Variants in FGF12 observed in about 807,000 individuals in gnomAD.
The protein encoded by FGF12 is fibroblast growth factor 12B.
Under a neutral mutation model 23.6 loss-of-function variants are expected in FGF12, and 14 were observed. The observed-to-expected ratio is 0.59, with a 90% CI of 0.39 to 0.93. The LOEUF is 0.93. Ranked by LOEUF, FGF12 falls within the 40% of genes least tolerant of loss-of-function variation. FGF12 has a pLI of 0.00. For synonymous variants in FGF12, 62 were observed against 77.3 expected, an observed-to-expected ratio of 0.80 and a Z score of 1.04; for missense variants, 175 against 217.8, an observed-to-expected ratio of 0.80 and a Z score of 1.24.
intron 3 of FGF12, among the ~76,000 whole-genome samples, chr3:192,338,273 C>T (rs1036600451): frequency 5.3e-4 from 81 of 152,128 alleles, no homozygotes; most frequent in African/African-American, 1.8e-3. Flanking sequence ...TTAGTAGAGA[C>T]GGGGTTTCAC....
intron 2 of FGF12, among the ~76,000 whole-genome samples, chr3:192,656,794 G>A (rs950210454): frequency 6.6e-6 from 1 of 152,094 alleles, no homozygotes; most frequent in African/African-American, 2.4e-5. Flanking sequence ...AATGTAATGT[G>A]TGGTCTGTAA....
chr3:192,727,313 C>T lies in FGF12; in HGVS notation c.-120G>A, dbSNP rs1719252126. On this transcript the variant is annotated 5_prime_UTR_variant, in exon 2 of 6. Transcript: ENST00000445105. ...ATTTCGCCCGTACTTCCTTCCTTCC[C>T]CTCAGGCTTCCTGAAAGATGGGATT... The T allele has an allele frequency of 1.3e-6, 2 of 1,550,188 alleles. No individual in the cohort carries two copies. The highest frequency in any genetic ancestry group is 2.0e-5 in the Admixed American group (1 of 50,936).
chr3:192,320,365 A>T (rs7631206), intron 4 of FGF12, among the ~76,000 whole-genome samples: 1 of 152,138 alleles, frequency 6.6e-6, no homozygotes, highest in East Asian at 1.9e-4. Flanking sequence ...CAATAAAATA[A>T]TAACCGGAGA....
chr3:192,493,454 C>G (rs1006982781), intron 2 of FGF12, among the ~76,000 whole-genome samples: 1 of 152,244 alleles, frequency 6.6e-6, no homozygotes, highest in South Asian at 2.1e-4. Context: ...TATTTTATAG[C>G]AAATTTTACC....
At chr3:192,510,677 T>C (rs940711734) in intron 2 of FGF12, among the ~76,000 whole-genome samples, 21 of 152,248 alleles carry the variant, frequency 1.4e-4, no homozygotes, top group Non-Finnish European at 2.6e-4. Flanking sequence ...AGGATGTTTA[T>C]AGCAACATTA....
chr3:192,306,002 A>G (rs946251854), intron 4 of FGF12, among the ~76,000 whole-genome samples: 9 of 151,630 alleles, frequency 5.9e-5, no homozygotes, highest in Non-Finnish European at 1.0e-4. Context: ...CTGGGACTAC[A>G]GGCGCCTGCC....
intron 2 of FGF12, among the ~76,000 whole-genome samples, chr3:192,711,548 T>C (rs1432414912): frequency 6.6e-6 from 1 of 152,182 alleles, no homozygotes; most frequent in East Asian, 1.9e-4. Flanking sequence ...AGATTGTTGC[T>C]GTGTCTGTGT....
intron 4 of FGF12, among the ~76,000 whole-genome samples, chr3:192,297,674 T>C (rs1419219934): frequency 1.3e-5 from 2 of 152,170 alleles, no homozygotes; most frequent in African/African-American, 2.4e-5. Flanking sequence ...GAATGAGCAA[T>C]TGATTATAAA....
At chr3:192,487,171 C>T (rs1275087445) in intron 2 of FGF12, among the ~76,000 whole-genome samples, 1 of 152,032 alleles carries the variant, frequency 6.6e-6, no homozygotes, top group African/African-American at 2.4e-5. Context: ...TAAGAACTAG[C>T]CTACCTCATT....
chr3:192,496,203 T>C (rs1238956394), intron 2 of FGF12, among the ~76,000 whole-genome samples: 1 of 151,936 alleles, frequency 6.6e-6, no homozygotes, highest in African/African-American at 2.4e-5. Flanking sequence ...CACCCCAAGC[T>C]AATGGATTCT....
At chr3:192,537,224 T>G (rs58817311) in intron 2 of FGF12, among the ~76,000 whole-genome samples, 5,694 of 152,282 alleles carry the variant, frequency 0.037, 374 homozygotes, top group African/African-American at 0.13. Context: ...TTCAGTTGCC[T>G]CAAAATCTTG....
intron 3 of FGF12, among the ~76,000 whole-genome samples, chr3:192,356,041 T>A (rs1718458256): frequency 6.6e-6 from 1 of 152,230 alleles, no homozygotes; most frequent in South Asian, 2.1e-4. Flanking sequence ...ATTTCTCAAC[T>A]ATACGCCCTT....
chr3:192,604,395 T>A (rs184891704), intron 2 of FGF12, among the ~76,000 whole-genome samples: 370 of 152,300 alleles, frequency 2.4e-3, no homozygotes, highest in African/African-American at 8.4e-3. Flanking sequence ...TGGGAACTGA[T>A]AAATGTCCAT....
At chr3:192,456,548 TTTAAG>T (rs1462349541) in intron 2 of FGF12, among the ~76,000 whole-genome samples, 1 of 152,270 alleles carries the variant, frequency 6.6e-6, no homozygotes, top group African/African-American at 2.4e-5. Context: ...AATTTGATTC[TTTAAG>T]TTATTTTAAA....
At chr3:192,517,577 T>G (rs1231652901) in intron 2 of FGF12, among the ~76,000 whole-genome samples, 2 of 152,192 alleles carry the variant, frequency 1.3e-5, no homozygotes, top group East Asian at 3.8e-4. Context: ...AGTATTACAT[T>G]TATAGATTGT....
At chr3:192,145,249 A>C (rs1029079862) in intron 5 of FGF12, among the ~76,000 whole-genome samples, 4 of 152,250 alleles carry the variant, frequency 2.6e-5, no homozygotes, top group Non-Finnish European at 5.9e-5. Flanking sequence ...TGTTTATGAA[A>C]ATTAAGGAGC....
chr3:192,658,528 A>C (rs1280453058), intron 2 of FGF12, among the ~76,000 whole-genome samples: 1 of 152,226 alleles, frequency 6.6e-6, no homozygotes, highest in Non-Finnish European at 1.5e-5. Flanking sequence ...GGAGCGTGCT[A>C]ACCAGTAAAC....
intron 5 of FGF12, among the ~76,000 whole-genome samples, chr3:192,158,421 CTT>C (rs749398118): frequency 0.23 from 2,563 of 10,998 alleles, 131 homozygotes; most frequent in African/African-American, 0.27. Flanking sequence ...CTTTCTCTTT[CTT>C]TTTCTTTTTT....
chr3:192,529,916 C>T (rs1004043367), intron 2 of FGF12, among the ~76,000 whole-genome samples: 1 of 152,128 alleles, frequency 6.6e-6, no homozygotes, highest in African/African-American at 2.4e-5. Context: ...ACAGCCAAAC[C>T]ATATCAGTGA....
Sources: allele counts gnomAD v4.1 joint callset (sites outside exome capture counted in the v4.1 genomes callset), GRCh38; gene constraint gnomAD v4.1.1; transcripts MANE v1.5; gene names NCBI Gene and HGNC (gene_info 2026-07-23, HGNC 2026-07-21).